The following GLYATL2 variants were observed in gnomAD, a reference collection of about 807,000 sequenced individuals.
GLYATL2 encodes glycine N-acyltransferase-like protein 2.
Under a neutral mutation model 21.4 loss-of-function variants are expected in GLYATL2, and 25 were observed. The observed-to-expected ratio is 1.17, with a 90% CI of 0.85 to 1.63. The LOEUF (loss-of-function observed/expected upper bound fraction) is 1.63. Among genes scored for constraint, GLYATL2 ranks in the 40% most tolerant of loss-of-function variants. GLYATL2 has a pLI of 0.00. For synonymous variants in GLYATL2, 114 were observed against 118.2 expected (o/e 0.96, Z 0.23); for missense variants, 361 against 343.3 (o/e 1.05, Z -0.41).
rs753500768 is a variant in GLYATL2 at position 58,837,165 on chromosome 11, C to A, written c.326G>T (p.Gly109Val). ...AACCTTTCTTATTGCTTCATCCAAG[C>A]CCTCTTGGCAACCTGGAGAAAGGAG... ...QTLQIQGCQE[G>V]LDEAIRKVAT... Residue 109 changes from glycine to valine, a missense_variant, in exon 5 of 6, where the codon GGC (glycine) becomes GTC (valine). Coordinates refer to ENST00000287275, the MANE Select transcript of GLYATL2 (RefSeq NM_145016.4). 1.9e-6 allele frequency: 3 copies of A among 1,613,604 alleles called. No homozygotes were observed. The East Asian group carries it at 6.7e-5, about 36-fold the overall frequency.
chr11:58,883,608 C>A (rs1486926449), intron 1 of GLYATL2, among the ~76,000 whole-genome samples: 2 of 152,152 alleles, frequency 1.3e-5, no homozygotes, highest in African/African-American at 4.8e-5. Context: ...CCAGGACCAG[C>A]TGGATTCACA....
Position 58,883,283 on chromosome 11 carries a change from G to GT in GLYATL2, n.60+20872dup, listed in dbSNP as rs1590745920. On this transcript the variant is annotated intron_variant and non_coding_transcript_variant, in intron 1 of 4. Coordinates refer to the GLYATL2 transcript ENST00000533636. ...AAAAAATCAATGAATCCAGGAGCTG[G>GT]TTTTTTGAAAAGATCAACAAAATTG... is the stretch of plus-strand genomic sequence containing the variant. Among the ~76,000 whole-genome samples, 5 of 152,092 alleles carry GT rather than the reference G, an allele frequency of 3.3e-5. No homozygotes were observed. The South Asian group carries it at 6.2e-4, about 19-fold the overall frequency.
intron 1 of GLYATL2, among the ~76,000 whole-genome samples, chr11:58,890,972 T>G (rs1854533823): frequency 6.6e-6 from 1 of 152,112 alleles, no homozygotes; most frequent in African/African-American, 2.4e-5. Flanking sequence ...AATAGCTCCA[T>G]TTGTTTTTTA....
chr11:58,837,402 TATAACA>T lies in GLYATL2; in HGVS notation c.187-11_187-6del. The T allele has an allele frequency of 6.2e-7, 1 of 1,610,808 alleles. No homozygotes were observed. The highest frequency in any genetic ancestry group is 8.5e-7 in the Non-Finnish European group (1 of 1,177,412). On this transcript the variant is annotated splice_region_variant and splice_polypyrimidine_tract_variant and intron_variant, in intron 3 of 5. Coordinates refer to ENST00000287275, the MANE Select transcript of GLYATL2 (RefSeq NM_145016.4). ...ATCCTGGTCATCTTTCATCTCCTGA[TATAACA>T]AATATCAATTATATTTACATAGCGC...
chr11:58,869,600 G>A (rs1363593868), intron 1 of GLYATL2, among the ~76,000 whole-genome samples: 3 of 152,098 alleles, frequency 2.0e-5, no homozygotes, highest in African/African-American at 7.2e-5. Context: ...GTGTGTATAT[G>A]CATCTAGATG....
At chr11:58,857,366 G>A (rs969541825) in intron 1 of GLYATL2, among the ~76,000 whole-genome samples, 1 of 152,200 alleles carries the variant, frequency 6.6e-6, no homozygotes, top group African/African-American at 2.4e-5. Flanking sequence ...GCAGCTGGCT[G>A]GGGAGGGGTG....
rs372624007 is a variant in GLYATL2, at chr11:58,868,478, T to C, written n.61-30110A>G. Among the ~76,000 whole-genome samples the C allele has an allele frequency of 6.7e-5, 10 of 149,030 alleles. 1 individual carries two copies. Among genetic ancestry groups the C allele is most frequent in the South Asian group, 6.4e-4 (3 of 4,692 alleles). ...TATGTAAACTCATAATTTTAGTTGG[T>C]CAGGGAGATGGATTTGAGACCGAAC... On this transcript the variant is annotated intron_variant and non_coding_transcript_variant, in intron 1 of 4. Coordinates refer to the GLYATL2 transcript ENST00000533636.
intron 1 of GLYATL2, among the ~76,000 whole-genome samples, chr11:58,899,906 T>G (rs891957903): frequency 6.6e-6 from 1 of 152,148 alleles, no homozygotes; most frequent in African/African-American, 2.4e-5. Flanking sequence ...AGATTACTCT[T>G]GCGTACGGCA....
intron 1 of GLYATL2, among the ~76,000 whole-genome samples, chr11:58,854,419 T>A (rs902399011): frequency 5.3e-5 from 8 of 152,238 alleles, no homozygotes; most frequent in Non-Finnish European, 1.2e-4. Flanking sequence ...CACTCTATAC[T>A]GTAGTCTATT....
At position 58,839,670 on chromosome 11, in the gene GLYATL2, A is replaced by G. The variant is rs1853509684; in HGVS notation, c.-40-18T>C. On this transcript the variant is annotated intron_variant, in intron 1 of 5. Transcript: ENST00000287275. ...AAGATGATCTAAGGAAATAAACACA[A>G]AAACAAAAATACCTAGAGAGATATG... The G allele has an allele frequency of 7.8e-7, 1 of 1,277,220 alleles. No individual in the cohort carries two copies. The highest frequency in any genetic ancestry group is 1.1e-6 in the Non-Finnish European group (1 of 894,238). The allele number at this position is 1,277,220 out of a possible 1,614,324, so 79.1% of individuals were successfully genotyped here.
upstream of GLYATL2, among the ~76,000 whole-genome samples, chr11:58,848,587 G>A (rs1386736270): frequency 4.0e-5 from 6 of 151,860 alleles, no homozygotes; most frequent in South Asian, 2.1e-4. Flanking sequence ...ACCTTTATTC[G>A]CAGAATTAAC....
At chr11:58,861,415 T>C (rs1157484058) in intron 1 of GLYATL2, among the ~76,000 whole-genome samples, 1 of 152,026 alleles carries the variant, frequency 6.6e-6, no homozygotes, top group Non-Finnish European at 1.5e-5. Flanking sequence ...TGATATAAGT[T>C]GTAATGTCTC....
At chr11:58,887,042 A>C (rs1470278493) in intron 1 of GLYATL2, among the ~76,000 whole-genome samples, 1 of 152,238 alleles carries the variant, frequency 6.6e-6, no homozygotes, top group Non-Finnish European at 1.5e-5. Context: ...CCAATTTCTT[A>C]AAAGTGTGAT....
intron 1 of GLYATL2, among the ~76,000 whole-genome samples, chr11:58,856,881 C>A (rs1052809987): frequency 1.3e-4 from 20 of 152,172 alleles, no homozygotes; most frequent in Admixed American, 1.3e-4. Context: ...AGGAAGGGAG[C>A]ACATTTGTTG....
chr11:58,894,019 T>A (rs1311901325), intron 1 of GLYATL2, among the ~76,000 whole-genome samples: 5 of 152,162 alleles, frequency 3.3e-5, no homozygotes, highest in Admixed American at 2.0e-4. Context: ...CAGAAAAGAA[T>A]CTCCAGAGAA....
chr11:58,890,668 C>T (rs1033569119), intron 1 of GLYATL2, among the ~76,000 whole-genome samples: 1 of 151,992 alleles, frequency 6.6e-6, no homozygotes, highest in African/African-American at 2.4e-5. Context: ...TGAGGGATAA[C>T]ATCCATTTCT....
intron 1 of GLYATL2, among the ~76,000 whole-genome samples, chr11:58,856,609 G>A (rs543207209): frequency 2.8e-4 from 43 of 152,068 alleles, no homozygotes; most frequent in Middle Eastern, 3.4e-3. Context: ...TATAACTGGC[G>A]TAATTTAAAT....
At position 58,834,308 on chromosome 11, in the gene GLYATL2, T is replaced by G; in HGVS notation, c.*121A>C. The G allele has an allele frequency of 1.4e-6, 1 of 734,094 alleles. No individual in the cohort carries two copies. Among genetic ancestry groups the G allele is most frequent in the South Asian group, 2.3e-5 (1 of 43,590 alleles). The allele number at this position is 734,094 out of a possible 1,614,324, so 45.5% of individuals were successfully genotyped here. On this transcript the variant is annotated 3_prime_UTR_variant, in exon 6 of 6. Coordinates refer to ENST00000287275, the MANE Select transcript of GLYATL2 (RefSeq NM_145016.4). Reference sequence around the variant, plus strand: ...AAGGTAAAACTGTTAAGGGTGAGCTTAAGTAATACACAGATCCTAGATAAT... The same window carrying G: ...AAGGTAAAACTGTTAAGGGTGAGCTGAAGTAATACACAGATCCTAGATAAT...
At chr11:58,906,923 CCGACATA>C (rs531064138), upstream of GLYATL2, among the ~76,000 whole-genome samples, 16 of 152,182 alleles carry the variant, frequency 1.1e-4, 1 homozygote, top group South Asian at 2.9e-3. Context: ...TAGCTACACC[CCGACATA>C]CTGAATCAGA....
Sources: gnomAD v4.1 joint callset for allele counts (sites outside exome capture counted in the v4.1 genomes callset) on GRCh38, gnomAD v4.1.1 for gene constraint, MANE v1.5 for transcripts, NCBI Gene and HGNC (gene_info 2026-07-23, HGNC 2026-07-21) for gene names.